THEMIS: variants seen among roughly 807,000 people sequenced by gnomAD.
THEMIS encodes the protein thymocyte selection associated.
In THEMIS, 37 loss-of-function variants were observed where a neutral mutation model predicts 52.6. The ratio of observed to expected loss-of-function variants is 0.70; its 90% CI spans 0.54 to 0.93. THEMIS has a LOEUF of 0.93. Ranked by LOEUF, THEMIS falls within the 40% of genes least tolerant of loss-of-function variation. The pLI is 0.00. For missense variants in THEMIS, 808 were observed against 763.1 expected, an observed-to-expected ratio of 1.06 and a Z score of -0.69; for synonymous variants, 292 against 272.7, an observed-to-expected ratio of 1.07 and a Z score of -0.70.
At chr6:127,704,271 G>A (rs1259551382), downstream of THEMIS, among the ~76,000 whole-genome samples, 2 of 152,156 alleles carry the variant, frequency 1.3e-5, no homozygotes, top group Admixed American at 6.5e-5. Context: ...CATGTATGAG[G>A]TAACGCAAAT....
In THEMIS at chr6:127,710,084, C is replaced by T; in HGVS notation, c.1895-68G>A. 3 of 1,102,582 alleles carry T rather than the reference C, an allele frequency of 2.7e-6. 1 individual carries two copies. The South Asian group carries it at 4.5e-5, about 17-fold the overall frequency. 68.3% of individuals were successfully genotyped at this position (1,102,582 alleles called of 1,614,324 possible). ...AAATAACCAGAAAGGAAACTGCCTG[C>T]TTTCAAATACTGTCGACACTCACAT... On this transcript the variant is annotated intron_variant, in intron 5 of 5. Transcript: ENST00000368248.
downstream of THEMIS, among the ~76,000 whole-genome samples, chr6:127,706,834 G>A (rs917698698): frequency 4.6e-5 from 7 of 152,028 alleles, no homozygotes; most frequent in Non-Finnish European, 1.0e-4. Flanking sequence ...TCCAGGCAGG[G>A]AGAACAGCAA....
chr6:127,700,432 T>C, the THEMIS span, among the ~76,000 whole-genome samples: 1 of 151,970 alleles, frequency 6.6e-6, no homozygotes, highest in Admixed American at 6.6e-5. Context: ...TCATATGCAT[T>C]AAGTACCTCA....
intron 4 of THEMIS, among the ~76,000 whole-genome samples, chr6:127,762,169 T>A (rs1337397518): frequency 6.6e-6 from 1 of 152,098 alleles, no homozygotes; most frequent in Non-Finnish European, 1.5e-5. Flanking sequence ...AAGATAAATA[T>A]ATCACGATTC....
At chr6:127,853,428 G>A (rs2114289058) in intron 2 of THEMIS, among the ~76,000 whole-genome samples, 1 of 151,762 alleles carries the variant, frequency 6.6e-6, no homozygotes, top group African/African-American at 2.4e-5. Context: ...TAAGTGGCCT[G>A]AACATCAGAA....
intron 4 of THEMIS, among the ~76,000 whole-genome samples, chr6:127,721,811 T>C (rs1774371885): frequency 6.6e-6 from 1 of 151,970 alleles, no homozygotes; most frequent in Non-Finnish European, 1.5e-5. Flanking sequence ...ATGACATGAG[T>C]ATTAAATCAC....
At chr6:127,911,710 C>T (rs1781415458) in intron 1 of THEMIS, among the ~76,000 whole-genome samples, 1 of 151,478 alleles carries the variant, frequency 6.6e-6, no homozygotes, top group African/African-American at 2.5e-5. Context: ...GTTTGGGAAC[C>T]TCTGCCTACA....
At chr6:127,827,349 A>C (rs554261982) in intron 3 of THEMIS, among the ~76,000 whole-genome samples, 1 of 152,352 alleles carries the variant, frequency 6.6e-6, no homozygotes, top group South Asian at 2.1e-4. Flanking sequence ...CATGCAATCC[A>C]GTCTCAGGCA....
chr6:127,830,203 T>C (rs1389082313), intron 2 of THEMIS, among the ~76,000 whole-genome samples: 1 of 152,064 alleles, frequency 6.6e-6, no homozygotes, highest in Non-Finnish European at 1.5e-5. Flanking sequence ...TTCTTGGAAA[T>C]GGGAAATCTG....
chr6:127,790,055 C>T (rs763005929), intron 4 of THEMIS, among the ~76,000 whole-genome samples: 62 of 152,270 alleles, frequency 4.1e-4, no homozygotes, highest in Non-Finnish European at 7.2e-4. Flanking sequence ...AGATATAAAG[C>T]GTACTCAGAC....
At chr6:127,797,769 A>G (rs1175704514) in intron 4 of THEMIS, among the ~76,000 whole-genome samples, 1 of 152,302 alleles carries the variant, frequency 6.6e-6, no homozygotes, top group South Asian at 2.1e-4. Context: ...TAACTTCTCA[A>G]TGTTTCTCTA....
intron 3 of THEMIS, among the ~76,000 whole-genome samples, chr6:127,818,151 A>C (rs1361701571): frequency 1.3e-5 from 2 of 152,258 alleles, no homozygotes; most frequent in South Asian, 2.1e-4. Context: ...CTGTACTTCT[A>C]CATAAAGGAA....
chr6:127,753,872 T>C (rs957303511), intron 4 of THEMIS, among the ~76,000 whole-genome samples: 4 of 151,782 alleles, frequency 2.6e-5, no homozygotes, highest in Non-Finnish European at 5.9e-5. Flanking sequence ...TATTTAAAAA[T>C]TTCTAAGAGG....
intron 1 of THEMIS, among the ~76,000 whole-genome samples, chr6:127,917,267 C>T (rs1409545445): frequency 6.6e-6 from 1 of 152,134 alleles, no homozygotes; most frequent in Non-Finnish European, 1.5e-5. Flanking sequence ...GAGTCAGTCC[C>T]CCAGTTACAT....
chr6:127,735,059 A>T lies in THEMIS; in HGVS notation c.1759-15236T>A, dbSNP rs368177381. 4.0e-5 allele frequency among the ~76,000 whole-genome samples: 6 copies of T among 151,198 alleles called. No homozygotes were observed. The South Asian group carries it at 6.3e-4, about 16-fold the overall frequency. On this transcript the variant is annotated intron_variant, in intron 4 of 5. Transcript: ENST00000368248. The stretch of plus-strand genomic sequence containing the variant: ...CTCCCTTCTAAAGTCAAAATTGAAG[A>T]TCATTACTAGATTAGGATGATATTG...
chr6:127,776,792 C>T (rs572978097), intron 4 of THEMIS, among the ~76,000 whole-genome samples: 128 of 152,150 alleles, frequency 8.4e-4, no homozygotes, highest in African/African-American at 3.0e-3. Flanking sequence ...TTGTGAATTT[C>T]CCTGTTTATT....
intron 4 of THEMIS, among the ~76,000 whole-genome samples, chr6:127,782,486 T>C (rs534584390): frequency 2.0e-5 from 3 of 152,268 alleles, no homozygotes; most frequent in African/African-American, 4.8e-5. Context: ...AAAAGCATAG[T>C]ATCTGGGCCG....
chr6:127,849,489 A>G (rs1165933975), intron 2 of THEMIS, among the ~76,000 whole-genome samples: 1 of 151,936 alleles, frequency 6.6e-6, no homozygotes, highest in African/African-American at 2.4e-5. Flanking sequence ...CAGAATTTCA[A>G]ATTATACTAC....
At chr6:127,815,181 G>T (rs558360103) in intron 3 of THEMIS, among the ~76,000 whole-genome samples, 1 of 151,740 alleles carries the variant, frequency 6.6e-6, no homozygotes. Context: ...AAATAATAAA[G>T]TTATGTGTTA....
Sources: gnomAD v4.1 joint callset for allele counts (sites outside exome capture counted in the v4.1 genomes callset) on GRCh38, gnomAD v4.1.1 for gene constraint, MANE v1.5 for transcripts, NCBI Gene and HGNC (gene_info 2026-07-23, HGNC 2026-07-21) for gene names.